Variants in GSK3B observed in about 807,000 individuals in gnomAD.
The protein encoded by GSK3B is glycogen synthase kinase-3 beta.
Under a neutral mutation model 56.4 loss-of-function variants are expected in GSK3B, and 15 were observed. The ratio of observed to expected loss-of-function variants is 0.27; its 90% CI spans 0.18 to 0.41. GSK3B has a LOEUF of 0.41. Ranked by LOEUF, GSK3B falls within the 10% of genes least tolerant of loss-of-function variation. GSK3B has a pLI of 1.00. For synonymous variants in GSK3B, 181 were observed against 188.9 expected (o/e 0.96, Z 0.34); for missense variants, 300 against 513.4 (o/e 0.58, Z 4.02).
At chr3:120,089,197 T>A (rs2058490586) in intron 1 of GSK3B, among the ~76,000 whole-genome samples, 1 of 152,236 alleles carries the variant, frequency 6.6e-6, no homozygotes, top group Admixed American at 6.5e-5. Context: ...AGGTGATTTG[T>A]GAATCACTGG....
chr3:119,958,772 GAGTGTTCACTTTTTTCATGA>G (rs1226566845), intron 2 of GSK3B, among the ~76,000 whole-genome samples: 5 of 80,390 alleles, frequency 6.2e-5, no homozygotes, highest in Non-Finnish European at 8.9e-5. Context: ...TTAATGAAAA[GAGTGTTCACTTTTTTCATGA>G]AAAGAGTGTT....
chr3:119,835,135 C>T (rs138196829), intron 10 of GSK3B, among the ~76,000 whole-genome samples: 4 of 152,300 alleles, frequency 2.6e-5, no homozygotes, highest in Non-Finnish European at 5.9e-5. Context: ...AAGTTGGTAA[C>T]ACCTAAAAAT....
At chr3:119,914,344 G>T (rs2056762130) in intron 5 of GSK3B, among the ~76,000 whole-genome samples, 1 of 151,996 alleles carries the variant, frequency 6.6e-6, no homozygotes, top group African/African-American at 2.4e-5. Flanking sequence ...TTATAAAAAT[G>T]AGCTATCAAA....
chr3:120,020,487 C>G (rs1256278774), intron 1 of GSK3B, among the ~76,000 whole-genome samples: 2 of 152,134 alleles, frequency 1.3e-5, no homozygotes, highest in African/African-American at 4.8e-5. Context: ...TTTTGCAGTA[C>G]TTCAAACTTT....
At chr3:120,000,249 A>C (rs138146955) in intron 2 of GSK3B, among the ~76,000 whole-genome samples, 397 of 152,346 alleles carry the variant, frequency 2.6e-3, no homozygotes, top group African/African-American at 8.5e-3. Flanking sequence ...GGCAAATCCA[A>C]AGTTCTGGGA....
chr3:119,951,868 T>C (rs2057160229), intron 2 of GSK3B, among the ~76,000 whole-genome samples: 1 of 151,612 alleles, frequency 6.6e-6, no homozygotes, highest in African/African-American at 2.4e-5. Flanking sequence ...TGCTAACTTT[T>C]AAAACATGAG....
chr3:120,025,157 G>C (rs566259845), intron 1 of GSK3B, among the ~76,000 whole-genome samples: 5 of 152,182 alleles, frequency 3.3e-5, no homozygotes, highest in African/African-American at 9.6e-5. Flanking sequence ...CCAGTAGTTT[G>C]AGACCAGCCT....
At chr3:119,970,577 C>CT in intron 2 of GSK3B, among the ~76,000 whole-genome samples, 1 of 149,526 alleles carries the variant, frequency 6.7e-6, no homozygotes, top group East Asian at 2.0e-4. Context: ...TGAGACCAGC[C>CT]TGGCCAACAC....
At chr3:119,835,667 C>CT (rs2055680438) in intron 10 of GSK3B, among the ~76,000 whole-genome samples, 1 of 151,712 alleles carries the variant, frequency 6.6e-6, no homozygotes, top group African/African-American at 2.4e-5. Context: ...AAAATGCCTG[C>CT]TTTTTTGTTT....
Position 119,954,293 on chromosome 3 carries a change from AGAATAGAAT to A in GSK3B, c.283-6951_283-6943del, listed in dbSNP as rs879333537. ...AGAATAGAATAGAATAGAATAGAAT[AGAATAGAAT>A]AGAAAAGAAACAGAACAGAACAGAA... On this transcript the variant is annotated intron_variant, in intron 2 of 10. Coordinates refer to ENST00000264235, the MANE Select transcript of GSK3B (RefSeq NM_001146156.2). 9.3e-3 allele frequency among the ~76,000 whole-genome samples: 1,158 copies of A among 124,238 alleles called. 12 individuals are homozygous for A. Among genetic ancestry groups the A allele is most frequent in the Non-Finnish European group, 0.015 (860 of 58,500 alleles). The allele number at this position is 124,238 out of a possible 152,430, so 81.5% of individuals were successfully genotyped here.
chr3:120,079,344 ACACAC>A (rs1316647481), intron 1 of GSK3B, among the ~76,000 whole-genome samples: 12 of 126,096 alleles, frequency 9.5e-5, no homozygotes, highest in South Asian at 2.3e-4. Context: ...ACACACACAC[ACACAC>A]ATTTTTTTTT....
chr3:119,965,697 G>A (rs991070209), intron 2 of GSK3B, among the ~76,000 whole-genome samples: 1 of 152,116 alleles, frequency 6.6e-6, no homozygotes, highest in African/African-American at 2.4e-5. Context: ...AGATTGTGAA[G>A]ATTCAAGTGA....
chr3:119,909,111 T>C (rs535714480), intron 6 of GSK3B, among the ~76,000 whole-genome samples: 1 of 152,238 alleles, frequency 6.6e-6, no homozygotes, highest in East Asian at 1.9e-4. Context: ...CTCTGCCTCC[T>C]GGCCTCAAGC....
At chr3:119,974,376 G>A (rs1315386386) in intron 2 of GSK3B, among the ~76,000 whole-genome samples, 1 of 152,044 alleles carries the variant, frequency 6.6e-6, no homozygotes, top group African/African-American at 2.4e-5. Flanking sequence ...TAGGAGGTAG[G>A]GCTGTTGGGA....
At chr3:119,910,110 C>A (rs1248950769) in intron 6 of GSK3B, among the ~76,000 whole-genome samples, 1 of 151,958 alleles carries the variant, frequency 6.6e-6, no homozygotes, top group Non-Finnish European at 1.5e-5. Context: ...TAATCATGCT[C>A]AGAAGTATTT....
intron 2 of GSK3B, among the ~76,000 whole-genome samples, chr3:119,964,420 T>C (rs1485983728): frequency 6.6e-6 from 1 of 152,134 alleles, no homozygotes; most frequent in Non-Finnish European, 1.5e-5. Context: ...AGAATAAATA[T>C]TACAAGTTTT....
At chr3:119,899,112 T>TC (rs2056600953) in intron 7 of GSK3B, among the ~76,000 whole-genome samples, 1 of 152,020 alleles carries the variant, frequency 6.6e-6, no homozygotes, top group Non-Finnish European at 1.5e-5. Flanking sequence ...TGGCTGGATG[T>TC]CAGGAGCAAA....
rs548764219 is a variant in GSK3B at position 120,076,755 on chromosome 3, A to G, written c.88+16592T>C. ...CGTGAACCCGGGAGGCGGAGCTTGC[A>G]GTGAGTCGAGATCGCGCCACTGCAC... On this transcript the variant is annotated intron_variant, in intron 1 of 10. Coordinates refer to ENST00000264235, the MANE Select transcript of GSK3B (RefSeq NM_001146156.2). 1.9e-3 allele frequency among the ~76,000 whole-genome samples: 270 copies of G among 138,866 alleles called. 1 individual carries two copies. Among genetic ancestry groups the G allele is most frequent in the Middle Eastern group, 0.011 (3 of 270 alleles). 91.1% of individuals were successfully genotyped at this position (138,866 alleles called of 152,430 possible). A position where few individuals can be genotyped will look rare whatever the true frequency, so the allele number is the denominator to read the frequency against.
chr3:120,050,213 C>T (rs1230194655), intron 1 of GSK3B, among the ~76,000 whole-genome samples: 1 of 152,164 alleles, frequency 6.6e-6, no homozygotes, highest in Non-Finnish European at 1.5e-5. Flanking sequence ...TCACTCACTG[C>T]TACAAAAAGG....
Sources: allele counts gnomAD v4.1 joint callset (sites outside exome capture counted in the v4.1 genomes callset), GRCh38; gene constraint gnomAD v4.1.1; transcripts MANE v1.5; gene names NCBI Gene and HGNC (gene_info 2026-07-23, HGNC 2026-07-21).